NMNAT3: variants seen among roughly 807,000 people sequenced by gnomAD.
NMNAT3 encodes the protein nicotinamide/nicotinic acid mononucleotide adenylyltransferase 3.
A neutral mutation model predicts 24.8 loss-of-function variants in NMNAT3; 21 were observed. That is an observed-to-expected ratio of 0.85 (90% confidence interval 0.60 to 1.22). The LOEUF (loss-of-function observed/expected upper bound fraction) is 1.22. NMNAT3 is among the 50% of genes most tolerant of loss of function. The pLI, the probability that NMNAT3 is intolerant of heterozygous loss-of-function variation, is 0.00. For synonymous variants in NMNAT3, 136 were observed against 155.2 expected (o/e 0.88, Z 0.92); for missense variants, 387 against 436.6 (o/e 0.89, Z 1.01).
At position 139,615,417 on chromosome 3, in the gene NMNAT3, TTCTATCTA is replaced by T. The variant is rs145198692; in HGVS notation, c.109+12191_109+12198del. Among the ~76,000 whole-genome samples, 116 of 140,236 alleles carry T rather than the reference TTCTATCTA, an allele frequency of 8.3e-4. 1 individual carries two copies. The highest frequency in any genetic ancestry group is 9.9e-4 in the Non-Finnish European group (65 of 65,366). The allele number at this position is 140,236 out of a possible 152,430, so 92.0% of individuals were successfully genotyped here. A position where few individuals can be genotyped will look rare whatever the true frequency, so the allele number is the denominator to read the frequency against. ...ATCTATATAAATATCCACACACATTTTCTATCTATCTATCTATCTATCTATCTATCTAT... is the reference window on the plus strand; with the variant it reads ...ATCTATATAAATATCCACACACATTTTCTATCTATCTATCTATCTATCTAT... On this transcript the variant is annotated intron_variant, in intron 3 of 6. Transcript: ENST00000643695.
intron 3 of NMNAT3, among the ~76,000 whole-genome samples, chr3:139,594,856 T>A (rs372494467): frequency 6.6e-6 from 1 of 152,182 alleles, no homozygotes; most frequent in Non-Finnish European, 1.5e-5. Flanking sequence ...GCCGATATCA[T>A]ACTGAATGGG....
intron 3 of NMNAT3, among the ~76,000 whole-genome samples, chr3:139,605,639 A>C (rs1265583728): frequency 6.6e-6 from 1 of 152,148 alleles, no homozygotes; most frequent in Non-Finnish European, 1.5e-5. Flanking sequence ...ATTTCTCTAA[A>C]GTTTCTTAAT....
intron 1 of NMNAT3, among the ~76,000 whole-genome samples, chr3:139,672,957 C>T (rs893027123): frequency 2.6e-5 from 4 of 152,176 alleles, no homozygotes; most frequent in African/African-American, 9.7e-5. Context: ...CATGGCTCTG[C>T]ATGGGTAGGA....
rs866566836 is a variant in NMNAT3 at position 139,596,950 on chromosome 3, A to G, written c.110-13742T>C. On this transcript the variant is annotated intron_variant, in intron 3 of 6. Transcript: ENST00000643695. The stretch of plus-strand genomic sequence containing the variant: ...TATATATATATATATATATATATAT[A>G]TATATATATATATATTTTTATTACA... 1.2e-3 allele frequency among the ~76,000 whole-genome samples: 91 copies of G among 75,304 alleles called. 3 individuals carry two copies. The highest frequency in any genetic ancestry group is 5.4e-3 in the Middle Eastern group (1 of 186). The allele number at this position is 75,304 out of a possible 152,430, so 49.4% of individuals were successfully genotyped here. A position where few individuals can be genotyped will look rare whatever the true frequency, so the allele number is the denominator to read the frequency against.
chr3:139,592,153 C>A (rs1374524752), intron 3 of NMNAT3, among the ~76,000 whole-genome samples: 2 of 151,946 alleles, frequency 1.3e-5, no homozygotes, highest in African/African-American at 4.8e-5. Context: ...AACCAAGGCT[C>A]GAGAACTATG....
intron 6 of NMNAT3, chr3:139,567,023 T>A (rs1937340863): frequency 6.6e-6 from 1 of 151,622 alleles, no homozygotes; most frequent in East Asian, 1.9e-4. Context: ...TTTGTTTGTA[T>A]CCTCTTTTAT....
chr3:139,668,983 A>G (rs1199628710), intron 1 of NMNAT3, among the ~76,000 whole-genome samples: 1 of 152,226 alleles, frequency 6.6e-6, no homozygotes, highest in East Asian at 1.9e-4. Flanking sequence ...AAGCATATGA[A>G]TTTTAACACT....
At chr3:139,637,512 T>C (rs1236008921) in intron 2 of NMNAT3, 2 of 152,228 alleles carry the variant, frequency 1.3e-5, no homozygotes, top group African/African-American at 4.8e-5. Flanking sequence ...GTGCTTACTA[T>C]ATGATTTAAT....
At chr3:139,580,978 A>G (rs1940096054) in intron 4 of NMNAT3, among the ~76,000 whole-genome samples, 1 of 152,212 alleles carries the variant, frequency 6.6e-6, no homozygotes, top group South Asian at 2.1e-4. Flanking sequence ...CATTTCTGAG[A>G]GTGAAATTAC....
At chr3:139,647,341 C>T (rs1207703871) in intron 1 of NMNAT3, among the ~76,000 whole-genome samples, 1 of 152,160 alleles carries the variant, frequency 6.6e-6, no homozygotes, top group African/African-American at 2.4e-5. Flanking sequence ...AATAAAAATA[C>T]ATTCTCCCAA....
chr3:139,674,320 A>T (rs943619349), intron 1 of NMNAT3, among the ~76,000 whole-genome samples: 1 of 152,220 alleles, frequency 6.6e-6, no homozygotes, highest in African/African-American at 2.4e-5. Flanking sequence ...ACAATGATGA[A>T]GGAATCATGA....
chr3:139,582,728 A>G (rs1284869482), intron 4 of NMNAT3, among the ~76,000 whole-genome samples: 1 of 150,892 alleles, frequency 6.6e-6, no homozygotes, highest in Non-Finnish European at 1.5e-5. Flanking sequence ...CTTACTTTCA[A>G]TTGGTCAACA....
At chr3:139,581,292 T>C (rs1457667496) in intron 4 of NMNAT3, among the ~76,000 whole-genome samples, 1 of 20,858 alleles carries the variant, frequency 4.8e-5, no homozygotes, top group Non-Finnish European at 2.6e-3. Flanking sequence ...ATATGGACAG[T>C]ATATTAGATG....
At chr3:139,667,602 C>G (rs548875657) in intron 1 of NMNAT3, among the ~76,000 whole-genome samples, 1 of 152,298 alleles carries the variant, frequency 6.6e-6, no homozygotes, top group African/African-American at 2.4e-5. Flanking sequence ...GCCTCAGCCC[C>G]CTTCTAACTG....
At chr3:139,649,887 T>C (rs2056999597) in intron 1 of NMNAT3, among the ~76,000 whole-genome samples, 1 of 152,184 alleles carries the variant, frequency 6.6e-6, no homozygotes, top group Non-Finnish European at 1.5e-5. Context: ...AAGGCATTAA[T>C]ACAGCTAGGA....
chr3:139,572,011 G>A, intron 6 of NMNAT3: 1 of 397,368 alleles, frequency 2.5e-6, no homozygotes, highest in Non-Finnish European at 4.4e-6. Flanking sequence ...CCTTGGCCCA[G>A]AAATGTCTCC....
intron 3 of NMNAT3, among the ~76,000 whole-genome samples, chr3:139,626,970 G>A (rs370462296): frequency 3.9e-5 from 6 of 151,982 alleles, no homozygotes; most frequent in East Asian, 1.9e-4. Context: ...ATATATACTC[G>A]ATAGCAACAG....
At chr3:139,659,686 C>T (rs1559964573) in intron 1 of NMNAT3, among the ~76,000 whole-genome samples, 2 of 152,186 alleles carry the variant, frequency 1.3e-5, no homozygotes, top group Non-Finnish European at 2.9e-5. Flanking sequence ...GGTTGTCAAT[C>T]CTGGATGCAC....
intron 6 of NMNAT3, chr3:139,569,537 G>A (rs980658021): frequency 1.1e-4 from 16 of 152,136 alleles, no homozygotes; most frequent in African/African-American, 3.6e-4. Flanking sequence ...GGGCAGGCCT[G>A]GTGGTGACAA....
Sources: allele counts gnomAD v4.1 joint callset (sites outside exome capture counted in the v4.1 genomes callset), GRCh38; gene constraint gnomAD v4.1.1; transcripts MANE v1.5; gene names NCBI Gene and HGNC (gene_info 2026-07-23, HGNC 2026-07-21).